Variants in RPRD2 observed in about 807,000 individuals in gnomAD.
The protein encoded by RPRD2 is regulation of nuclear pre-mRNA domain containing 2.
In RPRD2, 12 loss-of-function variants were observed where a neutral mutation model predicts 104.4. The observed-to-expected ratio is 0.11, with a 90% CI of 0.07 to 0.19. The LOEUF is 0.19. Ranked by LOEUF, RPRD2 falls within the 10% of genes least tolerant of loss-of-function variation. The pLI, the probability that RPRD2 is intolerant of heterozygous loss-of-function variation, is 1.00. For missense variants in RPRD2, 1,543 were observed against 1,790.1 expected (o/e 0.86, Z 2.49); for synonymous variants, 714 against 684.9 (o/e 1.04, Z -0.66).
intron 1 of RPRD2, among the ~76,000 whole-genome samples, chr1:150,377,101 C>G (rs900672437): frequency 2.0e-5 from 3 of 151,528 alleles, no homozygotes; most frequent in Non-Finnish European, 4.4e-5. Context: ...GTCTCAGCTA[C>G]TCGGGAGGCT....
chr1:150,436,629 A>G (rs1553893162), intron 2 of RPRD2, among the ~76,000 whole-genome samples: 1 of 151,214 alleles, frequency 6.6e-6, no homozygotes, highest in Non-Finnish European at 1.5e-5. Context: ...AGGGCTGGGC[A>G]TGGTGGCTCA....
Position 150,472,020 on chromosome 1 carries a change from G to A in RPRD2, c.3072G>A (p.Lys1024=). 6.2e-7 allele frequency: 1 copy of A among 1,613,924 alleles called. No homozygotes were observed. The highest frequency in any genetic ancestry group is 8.5e-7 in the Non-Finnish European group (1 of 1,179,884). ...KNASRKPSDD[K]HFGQAPSKGT... is the part of the protein sequence containing the mutation. ...CCTCACGTAAGCCCTCAGATGATAA[G>A]CATTTTGGCCAGGCTCCCAGCAAGG... Residue 1024 remains lysine (K), a synonymous_variant, in exon 11 of 11, where the codon AAG becomes AAA. Coordinates refer to ENST00000369068, the MANE Select transcript of RPRD2 (RefSeq NM_015203.5).
rs1659667963 is a variant in RPRD2 at position 150,364,464 on chromosome 1, C to G, written c.-251C>G. Among the ~76,000 whole-genome samples the G allele has an allele frequency of 6.6e-6, 1 of 152,044 alleles. No individual in the cohort carries two copies. The highest frequency in any genetic ancestry group is 6.6e-5 in the Admixed American group (1 of 15,260). On this transcript the variant is annotated 5_prime_UTR_variant, in exon 1 of 11. Coordinates refer to ENST00000369068, the MANE Select transcript of RPRD2 (RefSeq NM_015203.5). ...TTACTGACTGGTTTAAACACGACCC[C>G]TTGAACAATATTGATAAAACCTCCG...
rs587707726 is a variant in RPRD2, at chr1:150,419,880, C to T, written c.335+2155C>T. 5.9e-5 allele frequency among the ~76,000 whole-genome samples: 9 copies of T among 152,184 alleles called. No individual in the cohort carries two copies. In the East Asian group the frequency reaches 7.7e-4, roughly 13 times the overall value. On this transcript the variant is annotated intron_variant, in intron 2 of 10. Transcript: ENST00000369068. ...TGACCTCAGGTGATCCGCCTGCCTCCGCCTCCCAAAGTGCTGGGATTACAG... is the reference window on the plus strand; with the variant it reads ...TGACCTCAGGTGATCCGCCTGCCTCTGCCTCCCAAAGTGCTGGGATTACAG...
At chr1:150,391,087 T>G (rs1036426467) in intron 1 of RPRD2, among the ~76,000 whole-genome samples, 4 of 152,142 alleles carry the variant, frequency 2.6e-5, no homozygotes, top group Admixed American at 6.6e-5. Flanking sequence ...AAATGCAAAT[T>G]GATAATTATA....
intron 7 of RPRD2, 79 bp downstream of exon 7, chr1:150,446,480 C>G: frequency 1.6e-6 from 2 of 1,216,890 alleles, no homozygotes; most frequent in Non-Finnish European, 2.3e-6. Flanking sequence ...TTATCTAACT[C>G]TGTTAGGATA....
chr1:150,380,354 C>G (rs1349323441), intron 1 of RPRD2, among the ~76,000 whole-genome samples: 1 of 152,096 alleles, frequency 6.6e-6, no homozygotes, highest in African/African-American at 2.4e-5. Flanking sequence ...GAGAGCCCAC[C>G]TCTTTCCCTC....
At chr1:150,454,191 C>T (rs1424528917) in intron 7 of RPRD2, among the ~76,000 whole-genome samples, 1 of 152,186 alleles carries the variant, frequency 6.6e-6, no homozygotes, top group African/African-American at 2.4e-5. Context: ...CTTGGCCTTT[C>T]AGTCCTCTAA....
chr1:150,437,828 C>T (rs1666112381), intron 2 of RPRD2, among the ~76,000 whole-genome samples: 1 of 152,018 alleles, frequency 6.6e-6, no homozygotes, highest in Non-Finnish European at 1.5e-5. Flanking sequence ...GATCCGCCAG[C>T]TTCAGCCTTC....
chr1:150,427,750 A>C (rs983996389), intron 2 of RPRD2, among the ~76,000 whole-genome samples: 1 of 152,052 alleles, frequency 6.6e-6, no homozygotes, highest in East Asian at 1.9e-4. Context: ...AGTGAGCCAT[A>C]ATCATGCTAT....
rs903247277 is a variant in RPRD2, at chr1:150,364,553, G to C, written c.-162G>C. On this transcript the variant is annotated 5_prime_UTR_variant, in exon 1 of 11. Transcript: ENST00000369068. ...AGCGTGCCCAGCAGCTGGTGTTCCC[G>C]TCCGTACCTCCAGAAGAGCCCAGCG... 3.5e-6 allele frequency: 2 copies of C among 568,166 alleles called. No individual in the cohort carries two copies. The highest frequency in any genetic ancestry group is 3.8e-5 in the African/African-American group (2 of 52,006). 35.2% of individuals were successfully genotyped at this position (568,166 alleles called of 1,614,324 possible).
At chr1:150,368,207 T>G (rs1384296341) in intron 1 of RPRD2, among the ~76,000 whole-genome samples, 1 of 49,484 alleles carries the variant, frequency 2.0e-5, no homozygotes, top group African/African-American at 6.7e-5. Context: ...TATTTCTTGT[T>G]TTTTTTTTTT....
chr1:150,462,972 G>A (rs587616088), intron 9 of RPRD2, among the ~76,000 whole-genome samples: 2 of 152,228 alleles, frequency 1.3e-5, no homozygotes, highest in South Asian at 4.1e-4. Context: ...TCCCACCTGA[G>A]CCTTTGAGTG....
At chr1:150,412,811 A>G (rs781884528) in intron 1 of RPRD2, among the ~76,000 whole-genome samples, 2 of 152,144 alleles carry the variant, frequency 1.3e-5, no homozygotes, top group Non-Finnish European at 2.9e-5. Context: ...GGATTGATTT[A>G]TGTCCCATTC....
Position 150,471,905 on chromosome 1 carries a change from G to A in RPRD2, c.2957G>A (p.Gly986Asp). 6.2e-7 allele frequency: 1 copy of A among 1,613,870 alleles called. No homozygotes were observed. The highest frequency in any genetic ancestry group is 2.2e-5 in the East Asian group (1 of 44,870). The change falls in exon 11 of 11, where the codon GGT becomes GAT. Residue 986 changes from glycine to aspartate, a missense_variant. Transcript: ENST00000369068. The surrounding 1 kb of genome is among the most constrained non-coding windows in gnomAD (Gnocchi z 5.3). ...CAGAACACCCTTGCCGCTCCCACGG[G>A]TCACCCACCCACGTCAGGCGTGGAG... is the stretch of plus-strand genomic sequence containing the variant. ...SPQNTLAAPT[G>D]HPPTSGVEKV...
intron 6 of RPRD2, among the ~76,000 whole-genome samples, chr1:150,444,613 T>C (rs952020254): frequency 4.6e-5 from 7 of 152,222 alleles, no homozygotes; most frequent in Admixed American, 2.0e-4. Flanking sequence ...ATTTCACATG[T>C]ATGGTTAATT....
At chr1:150,388,497 GCACACACA>G (rs143626934) in intron 1 of RPRD2, among the ~76,000 whole-genome samples, 5 of 90,218 alleles carry the variant, frequency 5.5e-5, no homozygotes, top group South Asian at 6.4e-4. Flanking sequence ...ATATACCCGC[GCACACACA>G]CACACACACA....
intron 2 of RPRD2, among the ~76,000 whole-genome samples, chr1:150,437,115 G>A (rs1390550848): frequency 6.6e-6 from 1 of 152,096 alleles, no homozygotes; most frequent in African/African-American, 2.4e-5. Flanking sequence ...TATGGATCTG[G>A]GCAAAGGAAA....
At chr1:150,400,288 G>T (rs1662871307) in intron 1 of RPRD2, among the ~76,000 whole-genome samples, 1 of 152,034 alleles carries the variant, frequency 6.6e-6, no homozygotes, top group Admixed American at 6.6e-5. Context: ...TTTCTATATG[G>T]ATAAATCATG....
Sources: allele counts gnomAD v4.1 joint callset (sites outside exome capture counted in the v4.1 genomes callset), GRCh38; gene constraint gnomAD v4.1.1; non-coding constraint Gnocchi (gnomAD v3.1); transcripts MANE v1.5; gene names NCBI Gene and HGNC (gene_info 2026-07-23, HGNC 2026-07-21).